Variants in ARHGEF7 observed in about 807,000 individuals in gnomAD.
ARHGEF7 encodes the protein Rho guanine nucleotide exchange factor 7, also known as PAK-interacting exchange factor beta.
In ARHGEF7, 33 loss-of-function variants were observed where a neutral mutation model predicts 109.8. The ratio of observed to expected loss-of-function variants is 0.30; its 90% confidence interval spans 0.23 to 0.40. The LOEUF (loss-of-function observed/expected upper bound fraction) is 0.40. Among genes scored for constraint, ARHGEF7 ranks in the 10% least tolerant of loss-of-function variants. The pLI, the probability that ARHGEF7 is intolerant of heterozygous loss-of-function variation, is 1.00. For missense variants in ARHGEF7, 938 were observed against 1,098.5 expected (o/e 0.85, Z 2.07); for synonymous variants, 458 against 424.6 (o/e 1.08, Z -0.97).
intron 19 of ARHGEF7, among the ~76,000 whole-genome samples, chr13:111,299,538 T>A (rs1296891781): frequency 3.3e-5 from 5 of 151,974 alleles, no homozygotes; most frequent in Non-Finnish European, 5.9e-5. Context: ...GAGACGGGGT[T>A]TCACCATGTT....
intron 1 of ARHGEF7, among the ~76,000 whole-genome samples, chr13:111,126,567 A>C (rs2067576500): frequency 6.6e-6 from 1 of 152,184 alleles, no homozygotes; most frequent in South Asian, 2.1e-4. Flanking sequence ...AAACTTCCAG[A>C]AAGTGCCCTA....
chr13:111,190,676 G>A (rs1337310062), intron 2 of ARHGEF7, among the ~76,000 whole-genome samples: 3 of 152,186 alleles, frequency 2.0e-5, no homozygotes, highest in Non-Finnish European at 4.4e-5. Context: ...ACAGACTTGA[G>A]CTTTGAGGGG....
Position 111,283,001 on chromosome 13 carries a change from A to T in ARHGEF7, c.1726-138A>T, listed in dbSNP as rs58818016. On this transcript the variant is annotated intron_variant, in intron 15 of 21. Transcript: ENST00000646102. ...AAACTGACTGCTGAGAGCCAGAGAT[A>T]CGAATGAAATGATAAATCCTGAGGT... The T allele has an allele frequency of 4.7e-3, 5,536 of 1,189,058 alleles. 217 individuals are homozygous for T. In the African/African-American group the frequency reaches 0.076, roughly 16 times the overall value. 73.7% of individuals were successfully genotyped at this position (1,189,058 alleles called of 1,614,324 possible).
chr13:111,165,912 G>A (rs957102109), intron 2 of ARHGEF7, among the ~76,000 whole-genome samples: 1 of 152,172 alleles, frequency 6.6e-6, no homozygotes, highest in Non-Finnish European at 1.5e-5. Context: ...GGGATATTTT[G>A]TAGATTAAAG....
intron 1 of ARHGEF7, among the ~76,000 whole-genome samples, chr13:111,143,169 C>T (rs2153361158): frequency 6.6e-6 from 1 of 152,358 alleles, no homozygotes; most frequent in African/African-American, 2.4e-5. Flanking sequence ...CTGCCATTCT[C>T]ACCAAGGTGC....
At chr13:111,149,246 G>GAA (rs944400762) in intron 1 of ARHGEF7, among the ~76,000 whole-genome samples, 1 of 139,352 alleles carries the variant, frequency 7.2e-6, no homozygotes, top group Non-Finnish European at 1.6e-5. Flanking sequence ...CACTATCTCT[G>GAA]AAAAAAAAAA....
rs1171507167 is a variant in ARHGEF7 at position 111,303,037 on chromosome 13, G to A, written c.2513G>A (p.Arg838His). The A allele has an allele frequency of 3.7e-6, 6 of 1,614,096 alleles. No homozygotes were observed. The highest frequency in any genetic ancestry group is 1.1e-5 in the South Asian group (1 of 91,066). The change falls in exon 22 of 22, where the codon CGC (arginine) becomes CAC (histidine). Residue 838 changes from arginine to histidine, a missense_variant. Coordinates refer to ENST00000646102, the MANE Select transcript of ARHGEF7 (RefSeq NM_001354046.2). ...KKSLEEEQRA[R>H]KDLEKLVRKV... ...TCTCTAGAGGAAGAACAGAGAGCCC[G>A]CAAAGACCTGGAGAAGCTGGTGAGG...
At chr13:111,267,492 C>T in intron 8 of ARHGEF7, 56 bp from the exon 9 acceptor site, 1 of 1,605,598 alleles carries the variant, frequency 6.2e-7, no homozygotes, top group Non-Finnish European at 8.5e-7. Flanking sequence ...TGTCAGTTAG[C>T]AGTTGTCCTG....
At chr13:111,210,535 GT>G (rs1356775797) in intron 4 of ARHGEF7, among the ~76,000 whole-genome samples, 1 of 152,214 alleles carries the variant, frequency 6.6e-6, no homozygotes, top group Non-Finnish European at 1.5e-5. Flanking sequence ...TCGAACAGTT[GT>G]CGTGGAGAGT....
At chr13:111,140,449 G>A (rs1435779877) in intron 1 of ARHGEF7, among the ~76,000 whole-genome samples, 1 of 152,162 alleles carries the variant, frequency 6.6e-6, no homozygotes, top group African/African-American at 2.4e-5. Flanking sequence ...CTTGATGAAT[G>A]GGAGCAAAGA....
intron 8 of ARHGEF7, among the ~76,000 whole-genome samples, chr13:111,264,948 C>T (rs973977060): frequency 2.6e-5 from 4 of 151,932 alleles, no homozygotes. Flanking sequence ...ATAAAACTGA[C>T]ATGTTATCTA....
chr13:111,209,104 C>T (rs1304836312), intron 3 of ARHGEF7, among the ~76,000 whole-genome samples: 1 of 152,200 alleles, frequency 6.6e-6, no homozygotes, highest in Non-Finnish European at 1.5e-5. Context: ...GGGTTGCTTT[C>T]ATGGAAGCCT....
chr13:111,278,405 C>T (rs138670278), intron 13 of ARHGEF7, among the ~76,000 whole-genome samples: 1 of 152,304 alleles, frequency 6.6e-6, no homozygotes, highest in African/African-American at 2.4e-5. Flanking sequence ...GCAGCAGAAG[C>T]CGCCACTTCG....
intron 7 of ARHGEF7, 59 bp downstream of exon 7, chr13:111,244,025 T>G: frequency 1.4e-6 from 2 of 1,433,634 alleles, no homozygotes; most frequent in Non-Finnish European, 1.9e-6. Context: ...GGCTGTTCTC[T>G]TCTATTTTCA....
chr13:111,302,785 G>A (rs948945360), intron 21 of ARHGEF7, among the ~76,000 whole-genome samples: 1 of 152,130 alleles, frequency 6.6e-6, no homozygotes, highest in African/African-American at 2.4e-5. Flanking sequence ...TTTCCATCCC[G>A]GGAACAGCAG....
chr13:111,136,114 G>A (rs1435197307), intron 1 of ARHGEF7, among the ~76,000 whole-genome samples: 6 of 152,134 alleles, frequency 3.9e-5, no homozygotes, highest in Non-Finnish European at 7.3e-5. Flanking sequence ...ATTTTCGTAT[G>A]TTGAACCAGC....
At chr13:111,247,062 A>G (rs2088978690) in intron 8 of ARHGEF7, among the ~76,000 whole-genome samples, 1 of 152,224 alleles carries the variant, frequency 6.6e-6, no homozygotes, top group Admixed American at 6.5e-5. Flanking sequence ...TGCTACATGT[A>G]TACGAGGTGT....
chr13:111,205,202 G>A (rs1246202489), intron 2 of ARHGEF7, 87 bp from the exon 3 acceptor site: 3 of 1,004,844 alleles, frequency 3.0e-6, no homozygotes, highest in Admixed American at 5.2e-5. Context: ...TTCAGGCTGA[G>A]CATCGTCGCG....
intron 18 of ARHGEF7, among the ~76,000 whole-genome samples, chr13:111,291,230 C>T (rs1034911586): frequency 1.3e-5 from 2 of 152,376 alleles, no homozygotes; most frequent in African/African-American, 4.8e-5. Flanking sequence ...CCCAGCCTGC[C>T]TCTCAGCCCA....
Sources: gnomAD v4.1 joint callset for allele counts (sites outside exome capture counted in the v4.1 genomes callset) on GRCh38, gnomAD v4.1.1 for gene constraint, MANE v1.5 for transcripts, NCBI Gene and HGNC (gene_info 2026-07-23, HGNC 2026-07-21) for gene names.